The following IGF1R variants were observed in gnomAD, a reference collection of about 807,000 sequenced individuals.
IGF1R encodes insulin-like growth factor 1 receptor.
In IGF1R, 44 loss-of-function variants were observed where a neutral mutation model predicts 144.6. That is an observed-to-expected ratio of 0.30 (90% CI 0.24 to 0.39). The LOEUF is 0.39. Among genes scored for constraint, IGF1R ranks in the 10% least tolerant of loss-of-function variants. IGF1R has a pLI of 1.00. For synonymous variants in IGF1R, 795 were observed against 722.8 expected (o/e 1.10, Z -1.60); for missense variants, 1,355 against 1,833.7 (o/e 0.74, Z 4.77).
chr15:98,722,057 T>C (rs140720635), intron 2 of IGF1R, among the ~76,000 whole-genome samples: 11 of 152,200 alleles, frequency 7.2e-5, no homozygotes, highest in African/African-American at 2.7e-4. Flanking sequence ...GTTTCCTTGC[T>C]AGTTCCTTGG....
At chr15:98,710,776 C>T (rs1373607913) in intron 2 of IGF1R, among the ~76,000 whole-genome samples, 1 of 151,500 alleles carries the variant, frequency 6.6e-6, no homozygotes, top group East Asian at 1.9e-4. Context: ...AAGCGATTCT[C>T]TTGCCTCAGC....
intron 2 of IGF1R, among the ~76,000 whole-genome samples, chr15:98,724,275 A>G (rs968819931): frequency 1.9e-4 from 29 of 152,186 alleles, no homozygotes; most frequent in African/African-American, 6.5e-4. Flanking sequence ...AGGAGTCTCA[A>G]CTTTTCTGAT....
At chr15:98,766,883 G>A (rs2055449567) in intron 2 of IGF1R, among the ~76,000 whole-genome samples, 1 of 152,160 alleles carries the variant, frequency 6.6e-6, no homozygotes, top group Non-Finnish European at 1.5e-5. Flanking sequence ...GGTTATTTAA[G>A]CAAGTCACAA....
intron 2 of IGF1R, among the ~76,000 whole-genome samples, chr15:98,827,233 G>T (rs2056910563): frequency 6.6e-6 from 1 of 152,174 alleles, no homozygotes; most frequent in Non-Finnish European, 1.5e-5. Flanking sequence ...CAGAGCAAAT[G>T]ACTTGGAAAA....
Position 98,957,343 on chromosome 15 carries a change from C to A in IGF1R, c.4005C>A (p.Val1335=). The change falls in exon 21 of 21, where the codon GTC becomes GTA. Residue 1335 remains valine, a synonymous_variant. Coordinates refer to ENST00000650285, the MANE Select transcript of IGF1R (RefSeq NM_000875.5). ...ACGGCCCCGGCCCTGGGGTGCTGGT[C>A]CTCCGCGCCAGCTTCGACGAGAGAC... ...AENGPGPGVL[V]LRASFDERQP... is the part of the protein sequence containing the mutation. 1 of 1,611,996 alleles carries A rather than the reference C, an allele frequency of 6.2e-7. No individual in the cohort carries two copies. The highest frequency in any genetic ancestry group is 8.5e-7 in the Non-Finnish European group (1 of 1,178,614).
At chr15:98,714,690 C>G (rs923825971) in intron 2 of IGF1R, among the ~76,000 whole-genome samples, 7 of 151,600 alleles carry the variant, frequency 4.6e-5, no homozygotes, top group Non-Finnish European at 1.0e-4. Context: ...TTATGGCTAG[C>G]TTTGAGAAAG....
intron 2 of IGF1R, among the ~76,000 whole-genome samples, chr15:98,794,327 G>T (rs992808006): frequency 2.6e-5 from 4 of 152,144 alleles, no homozygotes; most frequent in African/African-American, 9.7e-5. Flanking sequence ...CCTAGAAATG[G>T]CTGGGTATAT....
At chr15:98,729,109 C>G (rs1446922995) in intron 2 of IGF1R, among the ~76,000 whole-genome samples, 1 of 151,424 alleles carries the variant, frequency 6.6e-6, no homozygotes, top group Non-Finnish European at 1.5e-5. Context: ...ACAAGGCTGA[C>G]ACAAAAAATA....
Position 98,795,964 on chromosome 15 carries a change from T to G in IGF1R, c.640+87857T>G, listed in dbSNP as rs1317407037. Among the ~76,000 whole-genome samples the G allele has an allele frequency of 2.0e-5, 3 of 152,246 alleles. No individual in the cohort carries two copies. In the East Asian group the frequency reaches 5.8e-4, roughly 29 times the overall value. ...ATTTATAATTTACTTTTTGGATATC[T>G]GAAACATCAACAATACAGCCATCCA... On this transcript the variant is annotated intron_variant, in intron 2 of 20. Transcript: ENST00000650285.
intron 2 of IGF1R, among the ~76,000 whole-genome samples, chr15:98,721,936 G>C (rs1187333437): frequency 2.0e-5 from 3 of 152,168 alleles, no homozygotes; most frequent in African/African-American, 7.2e-5. Context: ...CCATCATTAA[G>C]GAAGTGGAAG....
intron 11 of IGF1R, 88 bp downstream of exon 11, chr15:98,922,519 A>G (rs925377423): frequency 1.3e-6 from 2 of 1,503,626 alleles, no homozygotes; most frequent in Non-Finnish European, 1.8e-6. Context: ...TCTGACACCC[A>G]GGGCCATGAC....
rs1435211675 is a variant in IGF1R at position 98,649,530 on chromosome 15, T to C, written c.-52T>C. The C allele has an allele frequency of 8.8e-3, 1,206 of 136,688 alleles. 6 individuals are homozygous for C. In the African/African-American group the frequency reaches 0.11, roughly 12 times the overall value. The allele number at this position is 136,688 out of a possible 1,614,324, so 8.5% of individuals were successfully genotyped here. On this transcript the variant is annotated 5_prime_UTR_variant, in exon 1 of 21. Transcript: ENST00000650285. ...TCCTTTTTTTCTTTTCTTTTCTTTT[T>C]TTTTTTTTTTTTTTTTTTTGAGAAA...
chr15:98,788,050 C>CTGTGTGTGTGTG (rs1171190613), intron 2 of IGF1R, among the ~76,000 whole-genome samples: 5 of 138,268 alleles, frequency 3.6e-5, no homozygotes, highest in African/African-American at 1.3e-4. Flanking sequence ...CTCTCTCTCT[C>CTGTGTGTGTGTG]TCTCTCTCTC....
intron 2 of IGF1R, among the ~76,000 whole-genome samples, chr15:98,733,464 G>A (rs922440915): frequency 6.6e-6 from 1 of 151,098 alleles, no homozygotes; most frequent in African/African-American, 2.4e-5. Flanking sequence ...TTACAGACAT[G>A]AGCCACTGTA....
chr15:98,862,128 C>T (rs2012191397), intron 2 of IGF1R, among the ~76,000 whole-genome samples: 2 of 152,192 alleles, frequency 1.3e-5, no homozygotes, highest in Admixed American at 6.5e-5. Context: ...GAAATTTCTG[C>T]TAATGCAATA....
At chr15:98,832,749 A>G (rs565993106) in intron 2 of IGF1R, among the ~76,000 whole-genome samples, 2 of 152,350 alleles carry the variant, frequency 1.3e-5, no homozygotes, top group African/African-American at 4.8e-5. Context: ...TATAGGAATT[A>G]TCTTCCAAAA....
intron 2 of IGF1R, among the ~76,000 whole-genome samples, chr15:98,755,922 A>G (rs189715411): frequency 7.2e-4 from 109 of 152,194 alleles, no homozygotes; most frequent in African/African-American, 2.4e-3. Context: ...TTGGCATGAT[A>G]TAATTGTGAG....
At chr15:98,846,679 C>T (rs1228579290) in intron 2 of IGF1R, among the ~76,000 whole-genome samples, 1 of 152,202 alleles carries the variant, frequency 6.6e-6, no homozygotes, top group East Asian at 1.9e-4. Context: ...CTGCCAGACT[C>T]AGGGACCCAG....
chr15:98,961,137 T>A lies in IGF1R; in HGVS notation c.*3695T>A, dbSNP rs1239721537. 4.3e-6 allele frequency: 1 copy of A among 233,566 alleles called. No individual in the cohort carries two copies. Among genetic ancestry groups the A allele is most frequent in the African/African-American group, 2.2e-5 (1 of 45,458 alleles). 14.5% of individuals were successfully genotyped at this position (233,566 alleles called of 1,614,324 possible). On this transcript the variant is annotated 3_prime_UTR_variant, in exon 21 of 21. Transcript: ENST00000650285. Reference sequence around the variant, plus strand: ...CATCTCTCCCAGGACCCCGGGGATCTTAAGGTCATTGAGAAATACTGTTGG... The same window carrying A: ...CATCTCTCCCAGGACCCCGGGGATCATAAGGTCATTGAGAAATACTGTTGG...
Sources: allele counts gnomAD v4.1 joint callset (sites outside exome capture counted in the v4.1 genomes callset), GRCh38; gene constraint gnomAD v4.1.1; transcripts MANE v1.5; gene names NCBI Gene and HGNC (gene_info 2026-07-23, HGNC 2026-07-21).